The following STXBP5 variants were observed in gnomAD, a reference collection of about 807,000 sequenced individuals.
STXBP5 encodes the protein syntaxin-binding protein 5.
In STXBP5, 50 loss-of-function variants were observed where a neutral mutation model predicts 152.4. The observed-to-expected ratio is 0.33, with a 90% CI of 0.26 to 0.42. The LOEUF is 0.42. Ranked by LOEUF, STXBP5 falls within the 10% of genes least tolerant of loss-of-function variation. The probability of loss-of-function intolerance (pLI) is 1.00; values close to 1 mark genes in which losing one functional copy is unlikely to be tolerated. For missense variants in STXBP5, 1,167 were observed against 1,388.6 expected, an observed-to-expected ratio of 0.84 and a Z score of 2.54; for synonymous variants, 492 against 494.7, an observed-to-expected ratio of 0.99 and a Z score of 0.07.
chr6:147,325,057 G>T lies in STXBP5; in HGVS notation c.1901G>T (p.Ser634Ile). Residue 634 changes from serine (S) to isoleucine (I), a missense_variant, in exon 17 of 28, where the codon AGC becomes ATC. Transcript: ENST00000321680. ...GGAGAACCACCACAACAAATAACCA[G>T]CCTGGCAGTCAATTCTTCCTATGGA... ...VGGEPPQQIT[S>I]LAVNSSYGLV... The T allele has an allele frequency of 6.4e-7, 1 of 1,573,322 alleles. No individual in the cohort carries two copies. Among genetic ancestry groups the T allele is most frequent in the East Asian group, 2.3e-5 (1 of 43,688 alleles).
At chr6:147,340,816 G>T (rs1327160090) in intron 21 of STXBP5, among the ~76,000 whole-genome samples, 1 of 151,896 alleles carries the variant, frequency 6.6e-6, no homozygotes, top group East Asian at 1.9e-4. Context: ...TTGACTATTT[G>T]AAAGACTACA....
chr6:147,254,186 A>G (rs540618059), intron 4 of STXBP5, among the ~76,000 whole-genome samples: 1 of 152,292 alleles, frequency 6.6e-6, no homozygotes, highest in South Asian at 2.1e-4. Context: ...AAAACAAGCA[A>G]TGGGGAAAGG....
intron 25 of STXBP5, among the ~76,000 whole-genome samples, chr6:147,372,225 G>T (rs530990538): frequency 6.6e-6 from 1 of 151,850 alleles, no homozygotes; most frequent in East Asian, 1.9e-4. Flanking sequence ...ATGCAATCTG[G>T]GTGGAGGGAT....
intron 21 of STXBP5, among the ~76,000 whole-genome samples, chr6:147,340,937 T>G (rs942540254): frequency 6.6e-6 from 1 of 152,208 alleles, no homozygotes; most frequent in Admixed American, 6.5e-5. Context: ...CTCCAGTTTC[T>G]GTAGTTATAT....
At chr6:147,210,838 GATT>G (rs1352612789) in intron 2 of STXBP5, among the ~76,000 whole-genome samples, 20 of 152,124 alleles carry the variant, frequency 1.3e-4, no homozygotes, top group Admixed American at 7.2e-4. Context: ...TATAATACAT[GATT>G]ATTATTAATA....
chr6:147,224,894 G>A (rs990334134), intron 2 of STXBP5, among the ~76,000 whole-genome samples: 3 of 151,996 alleles, frequency 2.0e-5, no homozygotes, highest in African/African-American at 4.8e-5. Flanking sequence ...TTTTAACTTT[G>A]TTATTGAAAA....
At chr6:147,327,611 T>G (rs997051217) in intron 18 of STXBP5, among the ~76,000 whole-genome samples, 2 of 152,116 alleles carry the variant, frequency 1.3e-5, no homozygotes, top group Admixed American at 1.3e-4. Flanking sequence ...CCAGCTGGTT[T>G]TTTGTATTTT....
intron 21 of STXBP5, among the ~76,000 whole-genome samples, chr6:147,339,998 T>C (rs1784018639): frequency 6.6e-6 from 1 of 152,032 alleles, no homozygotes; most frequent in South Asian, 2.1e-4. Flanking sequence ...AATCAAACTT[T>C]GAGGACATAA....
At chr6:147,255,838 T>C (rs1048537827) in intron 4 of STXBP5, among the ~76,000 whole-genome samples, 6 of 152,224 alleles carry the variant, frequency 3.9e-5, no homozygotes, top group African/African-American at 2.4e-5. Flanking sequence ...TGTACAATTA[T>C]AAGAAAGTTA....
intron 16 of STXBP5, among the ~76,000 whole-genome samples, chr6:147,319,115 A>G (rs1440341545): frequency 2.0e-5 from 3 of 152,142 alleles, no homozygotes; most frequent in Non-Finnish European, 2.9e-5. Flanking sequence ...TGTTTGTAAC[A>G]TTATTTTTAA....
In STXBP5 at chr6:147,315,532, T is replaced by C; in HGVS notation, c.1420T>C (p.Tyr474His). ...TTTTCCAGTAACTCTACAAGTATTA[T>C]ATAAGCTAAAGACATCTAAAGTATT... ...DASAITLQVLYKLKTSKVFEK... is the reference protein window; with the variant it reads ...DASAITLQVLHKLKTSKVFEK... The change falls in exon 15 of 28, where the codon TAT becomes CAT. Residue 474 changes from tyrosine (Y) to histidine (H), a missense_variant. Transcript: ENST00000321680. 1.9e-6 allele frequency: 3 copies of C among 1,608,564 alleles called. No individual in the cohort carries two copies. The highest frequency in any genetic ancestry group is 2.2e-5 in the East Asian group (1 of 44,726).
At chr6:147,272,682 T>A (rs1412967943) in intron 7 of STXBP5, among the ~76,000 whole-genome samples, 1 of 152,196 alleles carries the variant, frequency 6.6e-6, no homozygotes, top group Non-Finnish European at 1.5e-5. Flanking sequence ...GTATTCAAAT[T>A]CATTTTTATT....
In STXBP5 at chr6:147,268,319, G is replaced by C. The variant is rs113762093; in HGVS notation, c.714+1152G>C. 2.3e-3 allele frequency among the ~76,000 whole-genome samples: 349 copies of C among 152,230 alleles called. 1 individual carries two copies. The highest frequency in any genetic ancestry group is 8.1e-3 in the African/African-American group (335 of 41,530). On this transcript the variant is annotated intron_variant, in intron 7 of 27. Coordinates refer to ENST00000321680, the MANE Select transcript of STXBP5 (RefSeq NM_001127715.4). ...TCTGGTGGCCATAATTTAGACATCA[G>C]GAGTGTTCATGGTTTCCAATTCAGT...
chr6:147,334,073 A>T, intron 18 of STXBP5, 84 bp from the exon 19 acceptor site: 1 of 1,305,780 alleles, frequency 7.7e-7, no homozygotes, highest in Non-Finnish European at 1.1e-6. Context: ...AATGGACAGT[A>T]GTTAAATGTG....
chr6:147,252,090 A>T (rs1779126062), intron 4 of STXBP5, among the ~76,000 whole-genome samples: 1 of 152,182 alleles, frequency 6.6e-6, no homozygotes, highest in Admixed American at 6.5e-5. Flanking sequence ...AACATCAAAG[A>T]CCAAAGGTAG....
intron 17 of STXBP5, among the ~76,000 whole-genome samples, chr6:147,325,914 A>T (rs906052778): frequency 7.2e-5 from 11 of 152,362 alleles, no homozygotes; most frequent in Admixed American, 2.6e-4. Context: ...ATTAAAAAAA[A>T]TTTTTAAATA....
intron 2 of STXBP5, among the ~76,000 whole-genome samples, chr6:147,226,323 G>A (rs1255520510): frequency 5.9e-5 from 9 of 151,826 alleles, no homozygotes; most frequent in African/African-American, 2.2e-4. Flanking sequence ...AGATATTACT[G>A]GACATAAAAC....
intron 21 of STXBP5, among the ~76,000 whole-genome samples, chr6:147,349,464 A>C (rs1050669310): frequency 6.6e-6 from 1 of 152,168 alleles, no homozygotes; most frequent in African/African-American, 2.4e-5. Flanking sequence ...TATACTTTAA[A>C]ATTTCTGCAT....
At chr6:147,299,599 C>T (rs151299279) in intron 9 of STXBP5, among the ~76,000 whole-genome samples, 87 of 152,140 alleles carry the variant, frequency 5.7e-4, no homozygotes, top group South Asian at 1.2e-3. Flanking sequence ...AGGCCAGCAT[C>T]ACCCTGATAC....
Sources: allele counts gnomAD v4.1 joint callset (sites outside exome capture counted in the v4.1 genomes callset), GRCh38; gene constraint gnomAD v4.1.1; transcripts MANE v1.5; gene names NCBI Gene and HGNC (gene_info 2026-07-23, HGNC 2026-07-21).